Variants in LRRC9 observed in about 807,000 individuals in gnomAD.
LRRC9 encodes leucine-rich repeat-containing protein 9.
LRRC9 carries 122 observed loss-of-function variants against 63.2 expected under a neutral mutation model. The ratio of observed to expected loss-of-function variants is 1.93; its 90% confidence interval spans 1.67 to 2.24. The LOEUF (loss-of-function observed/expected upper bound fraction) is 2.24, where lower values mean the gene tolerates loss of function less well. Among genes scored for constraint, LRRC9 ranks in the 30% most tolerant of loss-of-function variants. LRRC9 has a pLI of 0.00. For missense variants in LRRC9, 1,071 were observed against 627.7 expected, an observed-to-expected ratio of 1.71 and a Z score of -7.55; for synonymous variants, 366 against 213.1, an observed-to-expected ratio of 1.72 and a Z score of -6.25.
rs1261219484 is a variant in LRRC9 at position 59,930,599 on chromosome 14, A to T, written c.268-319A>T. Among the ~76,000 whole-genome samples the T allele has an allele frequency of 6.6e-6, 1 of 151,866 alleles. No homozygotes were observed. The highest frequency in any genetic ancestry group is 1.5e-5 in the Non-Finnish European group (1 of 67,870). On this transcript the variant is annotated intron_variant, in intron 3 of 31. Coordinates refer to ENST00000445360, the Ensembl canonical transcript of LRRC9. This position sits in a 1 kb window ranked among gnomAD's most constrained non-coding sequence, Gnocchi z 4.9. ...ACATTGTTATAATCATAACCATATG[A>T]TCATAATCATTTCTATATGATTATA...
chr14:60,007,432 CA>C (rs750596587), intron 22 of LRRC9, among the ~76,000 whole-genome samples: 1 of 152,190 alleles, frequency 6.6e-6, no homozygotes, highest in Non-Finnish European at 1.5e-5. Context: ...TCCTTCACAA[CA>C]AAGGCATATC....
At chr14:59,997,185 A>G (rs1048293202) in intron 17 of LRRC9, among the ~76,000 whole-genome samples, 1 of 151,990 alleles carries the variant, frequency 6.6e-6, no homozygotes, top group Non-Finnish European at 1.5e-5. Context: ...AACATGTGTT[A>G]CTTTTATGAT....
intron 26 of LRRC9, 63 bp downstream of exon 26, chr14:60,019,323 C>T: frequency 1.6e-6 from 1 of 618,112 alleles, no homozygotes; most frequent in East Asian, 2.9e-5. Context: ...AGCAGTTAAT[C>T]ACATTAATGA....
rs1230517604 is a variant in LRRC9 at position 59,974,698 on chromosome 14, CT to C, written c.1631del (p.Phe544SerfsTer44). The C allele has an allele frequency of 2.1e-5, 14 of 657,444 alleles. No individual in the cohort carries two copies. Among genetic ancestry groups the C allele is most frequent in the Middle Eastern group, 2.4e-4 (1 of 4,152 alleles). 40.7% of individuals were successfully genotyped at this position (657,444 alleles called of 1,614,324 possible). A position where few individuals can be genotyped will look rare whatever the true frequency, so the allele number is the denominator to read the frequency against. On this transcript the variant is annotated frameshift_variant, in exon 13 of 32. Transcript: ENST00000445360. LOFTEE classifies it high-confidence loss of function. ...AGAAAATCTCTCTTAAGCATGAGCTCTTCAGACATGGTAAATACAAATATGC... is the reference window on the plus strand; with the variant it reads ...AGAAAATCTCTCTTAAGCATGAGCTCTCAGACATGGTAAATACAAATATGC...
At chr14:60,034,467 T>C (rs1465096824) in intron 29 of LRRC9, among the ~76,000 whole-genome samples, 2 of 152,160 alleles carry the variant, frequency 1.3e-5, no homozygotes, top group East Asian at 3.9e-4. Context: ...TATATTTATA[T>C]TCTTTATTAT....
At chr14:59,945,393 T>C (rs1003771011) in intron 8 of LRRC9, among the ~76,000 whole-genome samples, 7 of 151,932 alleles carry the variant, frequency 4.6e-5, no homozygotes, top group African/African-American at 1.7e-4. Flanking sequence ...GTTACAAAAA[T>C]AGTCAAACTA....
chr14:60,053,336 T>C lies in LRRC9; in HGVS notation c.4131+131T>C, dbSNP rs763515059. ...AAGGATGATCTTAGTATCTATTTAG[T>C]GATTACTATCAAAGGCAGCTGGATT... On this transcript the variant is annotated intron_variant, in intron 30 of 31. Transcript: ENST00000445360. The surrounding 1 kb of genome is among the most constrained non-coding windows in gnomAD (Gnocchi z 4.8). 15 of 566,114 alleles carry C rather than the reference T, an allele frequency of 2.6e-5. No homozygotes were observed. Among genetic ancestry groups the C allele is most frequent in the Non-Finnish European group, 4.4e-5 (14 of 317,816 alleles). The allele number at this position is 566,114 out of a possible 1,614,324, so 35.1% of individuals were successfully genotyped here. A position where few individuals can be genotyped will look rare whatever the true frequency, so the allele number is the denominator to read the frequency against.
chr14:60,013,480 C>T (rs977421725), intron 23 of LRRC9, among the ~76,000 whole-genome samples: 1 of 152,208 alleles, frequency 6.6e-6, no homozygotes, highest in African/African-American at 2.4e-5. Flanking sequence ...CTCCTTATTG[C>T]AAGTCAACTT....
Position 59,986,709 on chromosome 14 carries a change from T to C in LRRC9, c.2211+1485T>C, listed in dbSNP as rs1391598259. 1.3e-5 allele frequency among the ~76,000 whole-genome samples: 2 copies of C among 152,216 alleles called. No homozygotes were observed. Among genetic ancestry groups the C allele is most frequent in the Non-Finnish European group, 2.9e-5 (2 of 68,020 alleles). ...CAAGACACTTAGATAGAGAGTGAGC[T>C]TAGCCAGCTGCCCAGCATTTATTTT... On this transcript the variant is annotated intron_variant, in intron 17 of 31. Transcript: ENST00000445360. This position sits in a 1 kb window ranked among gnomAD's most constrained non-coding sequence, Gnocchi z 4.7.
At position 60,042,775 on chromosome 14, in the gene LRRC9, T is replaced by G. The variant is rs1349732113; in HGVS notation, c.3991-10290T>G. ...TATTGTCCGACAAGCCCCAGTGAGA[T>G]GAACACAGTACCTCAGTTGGAAATG... On this transcript the variant is annotated intron_variant, in intron 29 of 31. Transcript: ENST00000445360. The surrounding 1 kb of genome is among the most constrained non-coding windows in gnomAD (Gnocchi z 4.2). Among the ~76,000 whole-genome samples, 2 of 152,170 alleles carry G rather than the reference T, an allele frequency of 1.3e-5. No homozygotes were observed. Among genetic ancestry groups the G allele is most frequent in the African/African-American group, 4.8e-5 (2 of 41,442 alleles).
At chr14:60,029,641 C>T (rs1323025511) in intron 28 of LRRC9, among the ~76,000 whole-genome samples, 3 of 152,012 alleles carry the variant, frequency 2.0e-5, no homozygotes, top group Admixed American at 2.0e-4. Flanking sequence ...TGTCCCTGCC[C>T]CACCTCTCTA....
chr14:60,047,945 C>A (rs1199437436), intron 29 of LRRC9, among the ~76,000 whole-genome samples: 2 of 152,222 alleles, frequency 1.3e-5, no homozygotes, highest in African/African-American at 4.8e-5. Context: ...CAAACAGTCT[C>A]TCAAATCACA....
Position 59,936,538 on chromosome 14 carries a change from G to T in LRRC9, c.544-1852G>T, listed in dbSNP as rs1890154977. On this transcript the variant is annotated intron_variant, in intron 6 of 31. Coordinates refer to ENST00000445360, the Ensembl canonical transcript of LRRC9. The surrounding 1 kb of genome is among the most constrained non-coding windows in gnomAD (Gnocchi z 4.2). ...TGTCACCTGAATTTGGAATGTAGTT[G>T]GGGGATTTCTGTGTAGGACTTCAGA... Among the ~76,000 whole-genome samples the T allele has an allele frequency of 6.6e-6, 1 of 152,150 alleles. No individual in the cohort carries two copies. The highest frequency in any genetic ancestry group is 1.5e-5 in the Non-Finnish European group (1 of 68,032).
intron 6 of LRRC9, among the ~76,000 whole-genome samples, chr14:59,937,544 A>C (rs1475770890): frequency 6.6e-6 from 1 of 152,162 alleles, no homozygotes; most frequent in African/African-American, 2.4e-5. Context: ...GGTGAAGTTC[A>C]GGCCACTCAA....
chr14:59,944,705 A>G (rs759053765), exon 8 of LRRC9: 1 of 675,302 alleles, frequency 1.5e-6, no homozygotes, highest in South Asian at 1.7e-5. Flanking sequence ...AAAAGTTGCC[A>G]GAAGAACGAG....
intron 26 of LRRC9, among the ~76,000 whole-genome samples, chr14:60,021,444 C>A (rs1891110367): frequency 6.6e-6 from 1 of 151,864 alleles, no homozygotes; most frequent in African/African-American, 2.4e-5. Context: ...TGTGGCCTCT[C>A]TTTTCATTTT....
At chr14:59,928,433 T>C (rs1271620484) in exon 3 of LRRC9, 1 of 696,036 alleles carries the variant, frequency 1.4e-6, no homozygotes. Context: ...AATTTCAGGG[T>C]TAGAGCCTTG....
At chr14:59,994,702 T>A (rs1329189989) in intron 17 of LRRC9, among the ~76,000 whole-genome samples, 2 of 152,202 alleles carry the variant, frequency 1.3e-5, no homozygotes, top group South Asian at 4.1e-4. Flanking sequence ...TGAGTTCATG[T>A]CCTTTGTAGG....
Position 59,966,913 on chromosome 14 carries a change from A to T in LRRC9, c.1388+148A>T. On this transcript the variant is annotated intron_variant, in intron 11 of 31. Transcript: ENST00000445360. This position sits in a 1 kb window ranked among gnomAD's most constrained non-coding sequence, Gnocchi z 4.0. ...TTATGCATCTCCCATGGCCAGGATG[A>T]CCTCATAATTTATCCACATTGAGCC... is the stretch of plus-strand genomic sequence containing the variant. 1.8e-6 allele frequency: 1 copy of T among 554,066 alleles called. No homozygotes were observed. Among genetic ancestry groups the T allele is most frequent in the Non-Finnish European group, 3.2e-6 (1 of 310,060 alleles). 34.3% of individuals were successfully genotyped at this position (554,066 alleles called of 1,614,324 possible).
Sources: gnomAD v4.1 joint callset for allele counts (sites outside exome capture counted in the v4.1 genomes callset) on GRCh38, gnomAD v4.1.1 for gene constraint, Gnocchi (gnomAD v3.1) non-coding constraint, MANE v1.5 for transcripts, NCBI Gene and HGNC (gene_info 2026-07-23, HGNC 2026-07-21) for gene names.